FAN1: variants seen among roughly 807,000 people sequenced by gnomAD.
FAN1 encodes the protein fanconi-associated nuclease 1.
FAN1 carries 91 observed loss-of-function variants against 104.9 expected under a neutral mutation model. The ratio of observed to expected loss-of-function variants is 0.87; its 90% CI spans 0.73 to 1.03. The LOEUF (loss-of-function observed/expected upper bound fraction) is 1.03, where lower values mean the gene tolerates loss of function less well. Ranked by LOEUF, FAN1 falls within the 50% of genes least tolerant of loss-of-function variation. The pLI, the probability that FAN1 is intolerant of heterozygous loss-of-function variation, is 0.00. For synonymous variants in FAN1, 478 were observed against 457.6 expected (o/e 1.04, Z -0.57); for missense variants, 1,263 against 1,239.9 (o/e 1.02, Z -0.28).
rs2063073415 is a variant in FAN1 at position 30,942,053 on chromosome 15, A to G, written c.*491A>G. The G allele has an allele frequency of 1.2e-6, 2 of 1,613,582 alleles. No homozygotes were observed. The highest frequency in any genetic ancestry group is 1.7e-6 in the Non-Finnish European group (2 of 1,179,670). On this transcript the variant is annotated 3_prime_UTR_variant, in exon 15 of 15. Coordinates refer to ENST00000362065, the MANE Select transcript of FAN1 (RefSeq NM_014967.5). ...CTTTAAGGCAGACGGCATTCCTCTT[A>G]GTGTGGAGCTGTAGCTTTTCTATAC...
chr15:30,940,913 A>G, intron 14 of FAN1: 1 of 1,035,804 alleles, frequency 9.7e-7, no homozygotes, highest in Non-Finnish European at 1.2e-6. Context: ...AAGCAAACTC[A>G]TGATTTCAAA....
At chr15:30,933,935 T>A (rs987423880) in intron 13 of FAN1, among the ~76,000 whole-genome samples, 2 of 152,106 alleles carry the variant, frequency 1.3e-5, no homozygotes, top group African/African-American at 2.4e-5. Flanking sequence ...TGATTTTTTT[T>A]ATTTTTTGTA....
chr15:30,937,112 T>C lies in FAN1; in HGVS notation c.2917-7T>C, dbSNP rs111839000. ...CTAATAACAACTTTTAAAAATTTCT[T>C]TTCCAGCTGGTGGAAGTTAAAGGCC... On this transcript the variant is annotated splice_region_variant and splice_polypyrimidine_tract_variant and intron_variant, in intron 13 of 14. Coordinates refer to ENST00000362065, the MANE Select transcript of FAN1 (RefSeq NM_014967.5). 9.3e-6 allele frequency: 15 copies of C among 1,604,732 alleles called. No homozygotes were observed. The highest frequency in any genetic ancestry group is 1.2e-5 in the Non-Finnish European group (14 of 1,177,536).
chr15:30,939,159 TC>T (rs1449668336), intron 14 of FAN1: 2 of 985,224 alleles, frequency 2.0e-6, no homozygotes, highest in African/African-American at 3.5e-5. Context: ...GCTTTCACCC[TC>T]TGTTAGTACA....
chr15:30,917,016 G>A (rs1000010016), intron 5 of FAN1, among the ~76,000 whole-genome samples: 1 of 152,224 alleles, frequency 6.6e-6, no homozygotes, highest in Non-Finnish European at 1.5e-5. Context: ...AGCTTGCTGA[G>A]TTGGAGGAAC....
intron 13 of FAN1, among the ~76,000 whole-genome samples, chr15:30,933,628 A>G (rs573741270): frequency 1.3e-5 from 2 of 152,292 alleles, no homozygotes; most frequent in South Asian, 2.1e-4. Context: ...TTAAATGTCA[A>G]TTAGGTCAAG....
Position 30,904,851 on chromosome 15 carries a change from T to C in FAN1, c.188T>C (p.Met63Thr). 6.2e-7 allele frequency: 1 copy of C among 1,613,194 alleles called. No individual in the cohort carries two copies. Among genetic ancestry groups the C allele is most frequent in the Non-Finnish European group, 8.5e-7 (1 of 1,179,242 alleles). ...GACTTAAACCGGCACCTTGATGAAATGTGTGCTAACAATGACTTCGTTCAA... is the reference window on the plus strand; with the variant it reads ...GACTTAAACCGGCACCTTGATGAAACGTGTGCTAACAATGACTTCGTTCAA... Reference protein sequence around the residue: ...RYDLNRHLDEMCANNDFVQVD... With the variant: ...RYDLNRHLDETCANNDFVQVD... Residue 63 changes from methionine to threonine, a missense_variant, in exon 2 of 15, where the codon ATG (methionine) becomes ACG (threonine). By Grantham distance (81) the Met-to-Thr change is moderately conservative. Coordinates refer to ENST00000362065, the MANE Select transcript of FAN1 (RefSeq NM_014967.5).
intron 10 of FAN1, among the ~76,000 whole-genome samples, chr15:30,926,240 G>A (rs1280188286): frequency 6.6e-6 from 1 of 152,142 alleles, no homozygotes; most frequent in East Asian, 1.9e-4. Context: ...TCAACCCCAC[G>A]GACACCCACT....
chr15:30,911,508 A>G (rs1224169526), intron 4 of FAN1: 1 of 984,038 alleles, frequency 1.0e-6, no homozygotes, highest in Non-Finnish European at 1.2e-6. Flanking sequence ...ATAAATACTA[A>G]TCTTTAATGA....
chr15:30,907,563 A>C (rs181714423), intron 2 of FAN1, among the ~76,000 whole-genome samples: 14 of 151,456 alleles, frequency 9.2e-5, no homozygotes, highest in Admixed American at 6.6e-4. Flanking sequence ...ACCAAAAAAA[A>C]CAACACCAGC....
rs370263206 is a variant in FAN1 at position 30,942,597 on chromosome 15, C to T, written c.*1035C>T. On this transcript the variant is annotated 3_prime_UTR_variant, in exon 15 of 15. Transcript: ENST00000362065. The stretch of plus-strand genomic sequence containing the variant: ...CATCACAGCCAGGCGGCATTCCCTG[C>T]CACAGTGGCGGCTTGAATCATCAAG... 17 of 385,342 alleles carry T rather than the reference C, an allele frequency of 4.4e-5. No individual in the cohort carries two copies. In the South Asian group the frequency reaches 6.7e-4, roughly 15 times the overall value. The allele number at this position is 385,342 out of a possible 1,614,324, so 23.9% of individuals were successfully genotyped here.
chr15:30,913,492 A>G (rs930894104), intron 4 of FAN1, among the ~76,000 whole-genome samples: 8 of 152,254 alleles, frequency 5.3e-5, no homozygotes, highest in Admixed American at 1.3e-4. Context: ...AAATACCATT[A>G]TTTAATCTAA....
Position 30,905,162 on chromosome 15 carries a change from A to G in FAN1, c.499A>G (p.Lys167Glu), listed in dbSNP as rs1215299333. Residue 167 changes from lysine to glutamate, a missense_variant, in exon 2 of 15, where the codon AAA becomes GAA. Physicochemically the swap from Lys to Glu is moderately conservative, Grantham distance 56 (BLOSUM62 1). This residue lies in a region of FAN1 where 682 missense variants were observed against 571.1 expected (regional missense o/e 1.19). Coordinates refer to ENST00000362065, the MANE Select transcript of FAN1 (RefSeq NM_014967.5). ...SKLSRKYVKAKKSIDKDEEFA... is the reference protein window; with the variant it reads ...SKLSRKYVKAEKSIDKDEEFA... Reference sequence around the variant, plus strand: ...ATTGTCCAGAAAATACGTAAAGGCTAAAAAATCAATAGATAAGGATGAAGA... The same window carrying G: ...ATTGTCCAGAAAATACGTAAAGGCTGAAAAATCAATAGATAAGGATGAAGA... The G allele has an allele frequency of 3.7e-6, 6 of 1,613,844 alleles. No homozygotes were observed. Among genetic ancestry groups the G allele is most frequent in the East Asian group, 2.2e-5 (1 of 44,886 alleles).
chr15:30,914,130 A>C (rs372572997), intron 5 of FAN1, 39 bp downstream of exon 5: 5 of 1,365,596 alleles, frequency 3.7e-6, no homozygotes, highest in Non-Finnish European at 5.1e-6. Flanking sequence ...CTATATGTGT[A>C]TTTCACAATT....
rs547920265 is a variant in FAN1 at position 30,928,735 on chromosome 15, C to T, written c.2592+79C>T. 7.1e-5 allele frequency: 113 copies of T among 1,597,558 alleles called. No individual in the cohort carries two copies. The Admixed American group carries it at 1.9e-3, about 27-fold the overall frequency. ...CACGCCCACCTGGGCACCGTGTGTC[C>T]ACAGCCAGCAGAAACCATCTCTGTT... On this transcript the variant is annotated intron_variant, in intron 11 of 14. Transcript: ENST00000362065.
intron 4 of FAN1, among the ~76,000 whole-genome samples, chr15:30,913,146 CGCCT>C (rs2062132706): frequency 6.6e-6 from 1 of 152,172 alleles, no homozygotes. Context: ...AGAGCATGAC[CGCCT>C]GAGCTTTGCC....
In FAN1 at chr15:30,929,480, A is replaced by G. The variant is rs890098197; in HGVS notation, c.2787+83A>G. 6 of 1,016,948 alleles carry G rather than the reference A, an allele frequency of 5.9e-6. No individual in the cohort carries two copies. In the Middle Eastern group the frequency reaches 6.4e-4, roughly 108 times the overall value. The allele number at this position is 1,016,948 out of a possible 1,614,324, so 63.0% of individuals were successfully genotyped here. On this transcript the variant is annotated intron_variant, in intron 12 of 14. Coordinates refer to ENST00000362065, the MANE Select transcript of FAN1 (RefSeq NM_014967.5). ...GTCTTTTCAGCAACTTTATCAAAATACACATGTGTGTATATGTAAATACAT... is the reference window on the plus strand; with the variant it reads ...GTCTTTTCAGCAACTTTATCAAAATGCACATGTGTGTATATGTAAATACAT...
In FAN1 at chr15:30,942,798, G is replaced by A; in HGVS notation, c.*1236G>A. On this transcript the variant is annotated 3_prime_UTR_variant, in exon 15 of 15. Coordinates refer to ENST00000362065, the MANE Select transcript of FAN1 (RefSeq NM_014967.5). Reference sequence around the variant, plus strand: ...AACCCGCATTAGCAGTGTTACTCTTGGAAGTGCCTTTACTTTTAACGCTCT... The same window carrying A: ...AACCCGCATTAGCAGTGTTACTCTTAGAAGTGCCTTTACTTTTAACGCTCT... 7.7e-7 allele frequency: 1 copy of A among 1,296,272 alleles called. No individual in the cohort carries two copies. 80.3% of individuals were successfully genotyped at this position (1,296,272 alleles called of 1,614,324 possible). A position where few individuals can be genotyped will look rare whatever the true frequency, so the allele number is the denominator to read the frequency against.
intron 10 of FAN1, 74 bp downstream of exon 10, chr15:30,926,013 AGTGG>A: frequency 4.1e-6 from 6 of 1,475,756 alleles, no homozygotes; most frequent in Non-Finnish European, 5.6e-6. Context: ...GGCTGTCAGC[AGTGG>A]GCTGCTGTCC....
Sources: allele counts gnomAD v4.1 joint callset (sites outside exome capture counted in the v4.1 genomes callset), GRCh38; gene constraint gnomAD v4.1.1; regional missense constraint gnomAD v4.1.1; transcripts MANE v1.5; gene names NCBI Gene and HGNC (gene_info 2026-07-23, HGNC 2026-07-21).